APP: variants seen among roughly 807,000 people sequenced by gnomAD.
The protein encoded by APP is amyloid-beta precursor protein.
A neutral mutation model predicts 101.4 loss-of-function variants in APP; 31 were observed. That is an observed-to-expected ratio of 0.31 (90% CI 0.23 to 0.41). The LOEUF (loss-of-function observed/expected upper bound fraction) is 0.41, where lower values mean the gene tolerates loss of function less well. APP is among the 10% of genes least tolerant of loss of function. The pLI is 1.00. For missense variants in APP, 839 were observed against 1,003.7 expected (o/e 0.84, Z 2.22); for synonymous variants, 366 against 364.4 (o/e 1.00, Z -0.05).
At chr21:25,942,370 C>G (rs919465447) in intron 13 of APP, 1 of 152,156 alleles carries the variant, frequency 6.6e-6, no homozygotes, top group African/African-American at 2.4e-5. Context: ...GGGCATATTA[C>G]ATGGTTTTCC....
chr21:26,081,517 C>T (rs1003034282), intron 3 of APP, among the ~76,000 whole-genome samples: 13 of 152,246 alleles, frequency 8.5e-5, no homozygotes, highest in African/African-American at 2.9e-4. Context: ...ATTTTCACTT[C>T]TTTTGTGGTG....
intron 1 of APP, among the ~76,000 whole-genome samples, chr21:26,136,673 T>G (rs2062925428): frequency 6.6e-6 from 1 of 152,166 alleles, no homozygotes; most frequent in Admixed American, 6.5e-5. Flanking sequence ...TGCTGATTAC[T>G]TCCTTGTATC....
chr21:25,932,129 G>A (rs2040174966), intron 13 of APP, among the ~76,000 whole-genome samples: 1 of 152,148 alleles, frequency 6.6e-6, no homozygotes, highest in Admixed American at 6.6e-5. Flanking sequence ...AGAGAGTGAA[G>A]CATTTTTTAT....
rs1273283293 is a variant in APP at position 26,136,207 on chromosome 21, A to AAAGAAAGAAAGAAAGAAAG, written c.58-24062_58-24061insCTTTCTTTCTTTCTTTCTT. On this transcript the variant is annotated intron_variant, in intron 1 of 17. Transcript: ENST00000346798. Reference sequence around the variant, plus strand: ...AAAGAAAGAAAGAAAGAAAGAAAAGAAAAGAAAGAAAAGAAATAGTTTTGT... The same window carrying AAAGAAAGAAAGAAAGAAAG: ...AAAGAAAGAAAGAAAGAAAGAAAAGAAAGAAAGAAAGAAAGAAAGAAAGAAAGAAAAGAAATAGTTTTGT... 1.3e-3 allele frequency among the ~76,000 whole-genome samples: 182 copies of AAAGAAAGAAAGAAAGAAAG among 137,482 alleles called. 1 individual carries two copies. The highest frequency in any genetic ancestry group is 5.1e-3 in the African/African-American group (172 of 33,880). 90.2% of individuals were successfully genotyped at this position (137,482 alleles called of 152,430 possible).
intron 5 of APP, among the ~76,000 whole-genome samples, chr21:26,034,716 A>G (rs1231933413): frequency 6.6e-6 from 1 of 152,094 alleles, no homozygotes; most frequent in African/African-American, 2.4e-5. Flanking sequence ...TAAATCTATT[A>G]TTGACTAGAG....
intron 13 of APP, among the ~76,000 whole-genome samples, chr21:25,935,612 C>A (rs191138610): frequency 3.4e-4 from 51 of 152,090 alleles, no homozygotes; most frequent in Admixed American, 1.2e-3. Flanking sequence ...GAGGCCGAGG[C>A]GAGTGGATTA....
chr21:26,132,984 T>C (rs1387649995), intron 1 of APP, among the ~76,000 whole-genome samples: 1 of 152,142 alleles, frequency 6.6e-6, no homozygotes, highest in African/African-American at 2.4e-5. Context: ...ATGCCTGTAA[T>C]CACAGCACTT....
At chr21:26,062,877 C>T (rs1325965886) in intron 3 of APP, among the ~76,000 whole-genome samples, 2 of 152,048 alleles carry the variant, frequency 1.3e-5, no homozygotes, top group East Asian at 3.9e-4. Flanking sequence ...ATCCTCCCAC[C>T]TCAGCTTCTC....
chr21:25,881,721 C>G lies in APP; in HGVS notation c.2262G>C (p.Gln754His). The change falls in exon 18 of 18, where the codon CAG (glutamine) becomes CAC (histidine). Residue 754 changes from glutamine to histidine, a missense_variant. By Grantham distance (24) the Gln-to-His change is conservative. Transcript: ENST00000346798. ...PEERHLSKMQ[Q>H]NGYENPTYKF... The stretch of plus-strand genomic sequence containing the variant: ...TGTAGGTTGGATTTTCGTAGCCGTT[C>G]TGCTGCATCTTGGACAGGTGGCGCT... 1 of 1,614,032 alleles carries G rather than the reference C, an allele frequency of 6.2e-7. No homozygotes were observed. The highest frequency in any genetic ancestry group is 8.5e-7 in the Non-Finnish European group (1 of 1,180,036).
chr21:26,000,229 T>C (rs1438253780), intron 6 of APP, 47 bp from the exon 7 acceptor site: 2 of 1,606,174 alleles, frequency 1.2e-6, no homozygotes, highest in African/African-American at 1.3e-5. Context: ...GAAAAGGCAC[T>C]GTCTCTCTGT....
chr21:25,978,072 T>C (rs1028460636), intron 9 of APP, among the ~76,000 whole-genome samples: 1 of 152,218 alleles, frequency 6.6e-6, no homozygotes, highest in Non-Finnish European at 1.5e-5. Flanking sequence ...CCTCATACAC[T>C]TTAAGAAACT....
intron 1 of APP, among the ~76,000 whole-genome samples, chr21:26,126,963 CCCTT>C (rs1410137242): frequency 6.8e-6 from 1 of 146,990 alleles, no homozygotes; most frequent in African/African-American, 2.6e-5. Context: ...AATACAGCCT[CCCTT>C]CCACAGAAGC....
intron 1 of APP, among the ~76,000 whole-genome samples, chr21:26,160,801 CCAAT>C (rs2063474337): frequency 6.6e-6 from 1 of 152,124 alleles, no homozygotes; most frequent in Non-Finnish European, 1.5e-5. Flanking sequence ...TGAAAGTGTC[CCAAT>C]CAATCAGGGC....
At chr21:25,958,471 G>A (rs973299866) in intron 11 of APP, among the ~76,000 whole-genome samples, 2 of 152,106 alleles carry the variant, frequency 1.3e-5, no homozygotes. Flanking sequence ...TAGAGACGGG[G>A]TTTCGCCATG....
rs984340622 is a variant in APP at position 26,003,377 on chromosome 21, G to A, written c.866-3195C>T. ...AGTCCCTATTCGGGGAGTGTTGGTT[G>A]GTTCTCCCAATCCTGTTAGGGGCAG... On this transcript the variant is annotated intron_variant, in intron 6 of 17. Transcript: ENST00000346798. Among the ~76,000 whole-genome samples, 5 of 152,340 alleles carry A rather than the reference G, an allele frequency of 3.3e-5. No individual in the cohort carries two copies. In the East Asian group the frequency reaches 9.6e-4, roughly 29 times the overall value.
At chr21:26,137,281 A>C (rs1422356567) in intron 1 of APP, among the ~76,000 whole-genome samples, 1 of 152,186 alleles carries the variant, frequency 6.6e-6, no homozygotes, top group Non-Finnish European at 1.5e-5. Flanking sequence ...GAGGTGCGCC[A>C]GTATTTGAGA....
intron 6 of APP, among the ~76,000 whole-genome samples, chr21:26,016,451 G>T (rs757254521): frequency 9.8e-5 from 15 of 152,328 alleles, no homozygotes; most frequent in Admixed American, 6.5e-5. Context: ...AAATGAATTT[G>T]TGTGTATTTA....
chr21:25,914,607 G>A (rs1235373881), intron 13 of APP, among the ~76,000 whole-genome samples: 3 of 145,696 alleles, frequency 2.1e-5, no homozygotes, highest in Admixed American at 6.9e-5. Flanking sequence ...AGGCTGGAGT[G>A]CAGTGGCGCA....
At chr21:26,027,464 CT>C (rs1428045203) in intron 5 of APP, among the ~76,000 whole-genome samples, 4 of 152,148 alleles carry the variant, frequency 2.6e-5, no homozygotes, top group Non-Finnish European at 5.9e-5. Flanking sequence ...ATTACTGCTA[CT>C]AAATTAGGAA....
Sources: gnomAD v4.1 joint callset for allele counts (sites outside exome capture counted in the v4.1 genomes callset) on GRCh38, gnomAD v4.1.1 for gene constraint, MANE v1.5 for transcripts, NCBI Gene and HGNC (gene_info 2026-07-23, HGNC 2026-07-21) for gene names.